GLRA3: variants seen among roughly 807,000 people sequenced by gnomAD.
GLRA3 encodes glycine receptor alpha 3.
A neutral mutation model predicts 60.4 loss-of-function variants in GLRA3; 44 were observed. The observed-to-expected ratio is 0.73, with a 90% CI of 0.57 to 0.94. The LOEUF (loss-of-function observed/expected upper bound fraction) is 0.94, where lower values mean the gene tolerates loss of function less well. GLRA3 is among the 40% of genes least tolerant of loss of function. The probability of loss-of-function intolerance (pLI) is 0.00; values close to 1 mark genes in which losing one functional copy is unlikely to be tolerated. For synonymous variants in GLRA3, 223 were observed against 192.9 expected (o/e 1.16, Z -1.29); for missense variants, 508 against 564.6 (o/e 0.90, Z 1.02).
intron 5 of GLRA3, chr4:174,713,746 T>G (rs1246807024): frequency 6.6e-6 from 1 of 152,204 alleles, no homozygotes; most frequent in Non-Finnish European, 1.5e-5. Flanking sequence ...TTCTTAAGCG[T>G]CTGTTCTTGT....
At chr4:174,779,646 T>C (rs1477961409) in intron 2 of GLRA3, among the ~76,000 whole-genome samples, 1 of 151,652 alleles carries the variant, frequency 6.6e-6, no homozygotes, top group East Asian at 1.9e-4. Context: ...AAACCAAGGC[T>C]CGAGAACTAC....
intron 5 of GLRA3, among the ~76,000 whole-genome samples, chr4:174,710,139 C>A (rs573888868): frequency 6.6e-6 from 1 of 152,012 alleles, no homozygotes; most frequent in Non-Finnish European, 1.5e-5. Flanking sequence ...TGCTGTCTTT[C>A]TCTGGCTCTC....
intron 3 of GLRA3, among the ~76,000 whole-genome samples, chr4:174,729,589 G>T (rs957856116): frequency 6.6e-6 from 1 of 152,172 alleles, no homozygotes; most frequent in Admixed American, 6.6e-5. Context: ...GGACTAACGC[G>T]TAGAATGACA....
At chr4:174,719,626 G>C (rs973697684) in intron 4 of GLRA3, among the ~76,000 whole-genome samples, 1 of 152,156 alleles carries the variant, frequency 6.6e-6, no homozygotes, top group Admixed American at 6.5e-5. Flanking sequence ...TCTTAGGAGA[G>C]ATTAGATTGC....
At chr4:174,812,893 T>A (rs955411523) in intron 1 of GLRA3, among the ~76,000 whole-genome samples, 1 of 152,114 alleles carries the variant, frequency 6.6e-6, no homozygotes, top group Non-Finnish European at 1.5e-5. Flanking sequence ...AGGCAAAACA[T>A]TAACAGTTCC....
chr4:174,656,713 C>T (rs1336064236), intron 9 of GLRA3, 30 bp downstream of exon 9: 1 of 1,259,730 alleles, frequency 7.9e-7, no homozygotes, highest in Admixed American at 1.7e-5. Context: ...GACCACATTC[C>T]TCTATTTAGA....
intron 5 of GLRA3, among the ~76,000 whole-genome samples, chr4:174,711,543 G>A (rs1172009529): frequency 1.3e-5 from 2 of 151,388 alleles, no homozygotes; most frequent in African/African-American, 4.9e-5. Context: ...GGGTTCAAGC[G>A]ATTCTCCAGC....
At chr4:174,645,224 C>A (rs1732767945) in intron 9 of GLRA3, among the ~76,000 whole-genome samples, 1 of 151,738 alleles carries the variant, frequency 6.6e-6, no homozygotes, top group African/African-American at 2.4e-5. Context: ...CCATCTTGGA[C>A]AGTATGCTGA....
intron 3 of GLRA3, among the ~76,000 whole-genome samples, chr4:174,732,885 T>A (rs932731446): frequency 6.6e-6 from 1 of 152,044 alleles, no homozygotes; most frequent in Non-Finnish European, 1.5e-5. Context: ...AACTACCAAC[T>A]TTATGATAGT....
chr4:174,710,738 G>A (rs1332081992), intron 5 of GLRA3, among the ~76,000 whole-genome samples: 1 of 151,792 alleles, frequency 6.6e-6, no homozygotes, highest in Non-Finnish European at 1.5e-5. Context: ...GGCATACTAC[G>A]ATTATTTCTA....
At chr4:174,683,703 A>G (rs983718806) in intron 5 of GLRA3, among the ~76,000 whole-genome samples, 5 of 152,164 alleles carry the variant, frequency 3.3e-5, no homozygotes, top group African/African-American at 1.2e-4. Flanking sequence ...TCTTAATTAT[A>G]TACAGATTGC....
intron 3 of GLRA3, among the ~76,000 whole-genome samples, chr4:174,730,183 T>C (rs1453366317): frequency 6.6e-6 from 1 of 152,190 alleles, no homozygotes; most frequent in Non-Finnish European, 1.5e-5. Flanking sequence ...ACAGAACCTG[T>C]AAATGGGGAT....
rs1732586174 is a variant in GLRA3 at position 174,639,874 on chromosome 4, G to A, written c.*3912C>T. On this transcript the variant is annotated 3_prime_UTR_variant, in exon 10 of 10. Coordinates refer to ENST00000274093, the MANE Select transcript of GLRA3 (RefSeq NM_006529.4). ...ATTTACCACTGTAGCACACAAATAA[G>A]GAAATAAAAACCAATGCATCTGCTG... 6.6e-6 allele frequency: 1 copy of A among 152,038 alleles called. No homozygotes were observed. The highest frequency in any genetic ancestry group is 1.5e-5 in the Non-Finnish European group (1 of 67,956). 9.4% of individuals were successfully genotyped at this position (152,038 alleles called of 1,614,324 possible).
At chr4:174,691,892 A>C in intron 5 of GLRA3, among the ~76,000 whole-genome samples, 5 of 133,194 alleles carry the variant, frequency 3.8e-5, no homozygotes, top group Admixed American at 7.7e-5. Context: ...CTGGCTGCCC[A>C]GTCTGGAAAG....
intron 1 of GLRA3, among the ~76,000 whole-genome samples, chr4:174,795,664 A>G (rs570282290): frequency 3.3e-5 from 5 of 152,302 alleles, no homozygotes; most frequent in Admixed American, 2.6e-4. Flanking sequence ...ATGTAATCAA[A>G]TATATGGTAT....
rs773329348 is a variant in GLRA3 at position 174,659,157 on chromosome 4, C to G, written c.968G>C (p.Cys323Ser). 1.2e-6 allele frequency: 2 copies of G among 1,611,426 alleles called. No individual in the cohort carries two copies. Residue 323 changes from cysteine to serine, a missense_variant, in exon 8 of 10, where the codon TGC becomes TCC. By Grantham distance (112) the Cys-to-Ser change is moderately radical. Transcript: ENST00000274093. ...AAGTGCTGAAAACACAAAAAGGAGG[C>G]ATACTGCCATCCAAATATCAATAGC... ...VKAIDIWMAV[C>S]LLFVFSALLE...
chr4:174,813,914 A>G (rs1343581425), intron 1 of GLRA3, among the ~76,000 whole-genome samples: 2 of 152,140 alleles, frequency 1.3e-5, no homozygotes, highest in Non-Finnish European at 2.9e-5. Context: ...GGCGGGACTC[A>G]CAAAGGGGTT....
intron 5 of GLRA3, among the ~76,000 whole-genome samples, chr4:174,683,308 C>A (rs1400995784): frequency 6.6e-6 from 1 of 151,840 alleles, no homozygotes; most frequent in African/African-American, 2.4e-5. Context: ...TCAAATTATT[C>A]AGGACTTTCT....
intron 3 of GLRA3, among the ~76,000 whole-genome samples, chr4:174,760,507 T>C (rs751283448): frequency 6.7e-6 from 1 of 149,608 alleles, no homozygotes; most frequent in Non-Finnish European, 1.5e-5. Context: ...TATACTATAT[T>C]AGAAGGTAAT....
Sources: allele counts gnomAD v4.1 joint callset (sites outside exome capture counted in the v4.1 genomes callset), GRCh38; gene constraint gnomAD v4.1.1; transcripts MANE v1.5; gene names NCBI Gene and HGNC (gene_info 2026-07-23, HGNC 2026-07-21).